MAP2K5: variants seen among roughly 807,000 people sequenced by gnomAD.
MAP2K5 encodes the protein dual specificity mitogen-activated protein kinase kinase 5.
In MAP2K5, 49 loss-of-function variants were observed where a neutral mutation model predicts 83.1. The ratio of observed to expected loss-of-function variants is 0.59; its 90% confidence interval spans 0.47 to 0.75. The LOEUF is 0.75. MAP2K5 is among the 30% of genes least tolerant of loss of function. The pLI, the probability that MAP2K5 is intolerant of heterozygous loss-of-function variation, is 0.00. For missense variants in MAP2K5, 457 were observed against 557.5 expected, an observed-to-expected ratio of 0.82 and a Z score of 1.82; for synonymous variants, 202 against 191.8, an observed-to-expected ratio of 1.05 and a Z score of -0.44.
intron 11 of MAP2K5, among the ~76,000 whole-genome samples, chr15:67,657,484 A>C (rs936743176): frequency 2.0e-5 from 3 of 152,088 alleles, no homozygotes; most frequent in African/African-American, 4.8e-5. Context: ...CTGTATTCTC[A>C]CTTTTATTAC....
chr15:67,627,500 G>C (rs1318364275), intron 8 of MAP2K5, among the ~76,000 whole-genome samples: 1 of 152,134 alleles, frequency 6.6e-6, no homozygotes, highest in Admixed American at 6.5e-5. Context: ...AGCAAAATGA[G>C]TAAGTTCTTA....
intron 3 of MAP2K5, among the ~76,000 whole-genome samples, chr15:67,578,452 G>GAATT (rs1182158278): frequency 6.6e-6 from 1 of 152,248 alleles, no homozygotes; most frequent in Admixed American, 6.5e-5. Flanking sequence ...CCTTGATGGT[G>GAATT]AATTACTTTG....
chr15:67,550,445 G>A (rs2084484797), intron 2 of MAP2K5, among the ~76,000 whole-genome samples: 1 of 152,176 alleles, frequency 6.6e-6, no homozygotes, highest in African/African-American at 2.4e-5. Context: ...TTAAAACATA[G>A]CAACAAAGTA....
intron 8 of MAP2K5, chr15:67,627,737 T>C (rs2086360651): frequency 3.7e-6 from 1 of 269,676 alleles, no homozygotes; most frequent in Non-Finnish European, 7.0e-6. Flanking sequence ...AACAAGTGAA[T>C]GTTATCATAT....
intron 13 of MAP2K5, among the ~76,000 whole-genome samples, chr15:67,674,073 T>G (rs1485512240): frequency 6.6e-6 from 1 of 152,170 alleles, no homozygotes; most frequent in Admixed American, 6.5e-5. Flanking sequence ...GGTCTCGATC[T>G]CCTGACCTTG....
At chr15:67,715,689 G>A (rs2088814588) in intron 16 of MAP2K5, among the ~76,000 whole-genome samples, 1 of 152,178 alleles carries the variant, frequency 6.6e-6, no homozygotes, top group African/African-American at 2.4e-5. Context: ...GAAAGACAAA[G>A]CAGGCATTTG....
chr15:67,731,843 CCTT>C (rs2089230977), intron 17 of MAP2K5, among the ~76,000 whole-genome samples: 1 of 152,170 alleles, frequency 6.6e-6, no homozygotes, highest in Non-Finnish European at 1.5e-5. Context: ...GCCCCACAAC[CCTT>C]CTTCTAGTTT....
chr15:67,627,959 T>C (rs1408088329), intron 8 of MAP2K5: 6 of 774,838 alleles, frequency 7.7e-6, no homozygotes, highest in Non-Finnish European at 1.3e-5. Context: ...TTTTAAGCAA[T>C]GGGGAACACT....
At chr15:67,595,056 G>A (rs1265401827) in intron 7 of MAP2K5, among the ~76,000 whole-genome samples, 1 of 152,078 alleles carries the variant, frequency 6.6e-6, no homozygotes, top group East Asian at 1.9e-4. Context: ...AGTGGTTTAT[G>A]CTCTCAAGCA....
intron 13 of MAP2K5, among the ~76,000 whole-genome samples, chr15:67,671,508 C>A (rs1567350551): frequency 6.6e-6 from 1 of 151,988 alleles, no homozygotes; most frequent in Non-Finnish European, 1.5e-5. Context: ...CTAAACCAGA[C>A]TCATGTTATC....
At chr15:67,655,103 G>A (rs1425420641) in intron 11 of MAP2K5, among the ~76,000 whole-genome samples, 1 of 151,250 alleles carries the variant, frequency 6.6e-6, no homozygotes, top group African/African-American at 2.4e-5. Flanking sequence ...CTTTGCTTCT[G>A]TATAGCTCAA....
chr15:67,727,552 T>C (rs531224716), intron 16 of MAP2K5, among the ~76,000 whole-genome samples: 1 of 152,330 alleles, frequency 6.6e-6, no homozygotes, highest in East Asian at 1.9e-4. Flanking sequence ...CAATTAGATG[T>C]TCCCATTTTA....
intron 15 of MAP2K5, among the ~76,000 whole-genome samples, chr15:67,697,999 C>A (rs1354813771): frequency 6.6e-6 from 1 of 152,100 alleles, no homozygotes; most frequent in Non-Finnish European, 1.5e-5. Flanking sequence ...AGACTGAGAC[C>A]TGGAAAAGTG....
chr15:67,631,284 T>A (rs2086467578), intron 9 of MAP2K5, among the ~76,000 whole-genome samples: 1 of 152,228 alleles, frequency 6.6e-6, no homozygotes, highest in African/African-American at 2.4e-5. Context: ...AATTGCTGTA[T>A]CCCGTTAGAA....
chr15:67,721,948 A>G (rs2088970723), intron 16 of MAP2K5, among the ~76,000 whole-genome samples: 1 of 152,206 alleles, frequency 6.6e-6, no homozygotes, highest in South Asian at 2.1e-4. Context: ...TTTGCAGTGT[A>G]TTATGATATC....
intron 2 of MAP2K5, among the ~76,000 whole-genome samples, chr15:67,553,941 A>G (rs977637688): frequency 6.7e-6 from 1 of 150,088 alleles, no homozygotes; most frequent in Non-Finnish European, 1.5e-5. Context: ...AAAAAAAAAA[A>G]AGAAATAGTT....
intron 8 of MAP2K5, among the ~76,000 whole-genome samples, chr15:67,619,146 C>T (rs547428545): frequency 1.3e-5 from 2 of 152,276 alleles, no homozygotes; most frequent in African/African-American, 4.8e-5. Flanking sequence ...TACCTGGAAT[C>T]CCCTTCCCCT....
At chr15:67,709,035 T>C (rs538138621) in intron 16 of MAP2K5, among the ~76,000 whole-genome samples, 1 of 152,332 alleles carries the variant, frequency 6.6e-6, no homozygotes, top group Admixed American at 6.5e-5. Context: ...AAAAAGATTA[T>C]TCACCTTGAC....
At position 67,777,696 on chromosome 15, in the gene MAP2K5, G is replaced by A. The variant is rs1566961150; in HGVS notation, c.1242+4944G>A. 6.6e-6 allele frequency among the ~76,000 whole-genome samples: 1 copy of A among 152,170 alleles called. No homozygotes were observed. Among genetic ancestry groups the A allele is most frequent in the South Asian group, 2.1e-4 (1 of 4,832 alleles). On this transcript the variant is annotated intron_variant, in intron 21 of 21. Coordinates refer to ENST00000178640, the MANE Select transcript of MAP2K5 (RefSeq NM_145160.3). The surrounding 1 kb of genome is among the most constrained non-coding windows in gnomAD (Gnocchi z 6.0). ...GAGAATTTCAGAGAAACAAGCTGGC[G>A]AAGAAATTTTCTTTATGCTGTTACT... is the stretch of plus-strand genomic sequence containing the variant.
Sources: allele counts gnomAD v4.1 joint callset (sites outside exome capture counted in the v4.1 genomes callset), GRCh38; gene constraint gnomAD v4.1.1; non-coding constraint Gnocchi (gnomAD v3.1); transcripts MANE v1.5; gene names NCBI Gene and HGNC (gene_info 2026-07-23, HGNC 2026-07-21).